Variants in OGDH observed in about 807,000 individuals in gnomAD.
The protein encoded by OGDH is oxoglutarate dehydrogenase, also known as 2-oxoglutarate dehydrogenase complex component E1.
A neutral mutation model predicts 116.6 loss-of-function variants in OGDH; 38 were observed. The ratio of observed to expected loss-of-function variants is 0.33; its 90% CI spans 0.25 to 0.43. The LOEUF is 0.43. Ranked by LOEUF, OGDH falls within the 20% of genes least tolerant of loss-of-function variation. The pLI is 1.00. For synonymous variants in OGDH, 488 were observed against 533.3 expected (o/e 0.92, Z 1.17); for missense variants, 825 against 1,357.2 (o/e 0.61, Z 6.16).
rs1562685524 is a variant in OGDH, at chr7:44,697,285, A to G, written c.2052-85A>G. On this transcript the variant is annotated intron_variant, in intron 15 of 22. Coordinates refer to ENST00000222673, the MANE Select transcript of OGDH (RefSeq NM_002541.4). The surrounding 1 kb of genome is among the most constrained non-coding windows in gnomAD (Gnocchi z 6.0). Reference sequence around the variant, plus strand: ...AGAAGTCCAGGTCACAGAGCATGGCATCTGCTGGTGCTTCGTGCGGGTCCC... The same window carrying G: ...AGAAGTCCAGGTCACAGAGCATGGCGTCTGCTGGTGCTTCGTGCGGGTCCC... 4 of 1,570,522 alleles carry G rather than the reference A, an allele frequency of 2.5e-6. No individual in the cohort carries two copies. Among genetic ancestry groups the G allele is most frequent in the Non-Finnish European group, 3.5e-6 (4 of 1,151,386 alleles).
chr7:44,693,338 A>C (rs1788444544), intron 10 of OGDH, among the ~76,000 whole-genome samples: 1 of 151,960 alleles, frequency 6.6e-6, no homozygotes, highest in Non-Finnish European at 1.5e-5. Context: ...GGCTGGGCAC[A>C]GTGCCTCACT....
intron 4 of OGDH, among the ~76,000 whole-genome samples, chr7:44,653,445 C>T (rs1400228109): frequency 6.6e-6 from 1 of 151,898 alleles, no homozygotes; most frequent in Non-Finnish European, 1.5e-5. Flanking sequence ...TTAAAAATGC[C>T]ACTGTCTGTG....
chr7:44,634,811 C>T (rs946546055), intron 2 of OGDH, among the ~76,000 whole-genome samples: 3 of 152,162 alleles, frequency 2.0e-5, no homozygotes, highest in African/African-American at 7.2e-5. Context: ...GATGGAGGGT[C>T]CAGAGTCCAG....
intron 5 of OGDH, 118 bp from the exon 6 acceptor site, chr7:44,673,669 C>A: frequency 1.0e-6 from 1 of 978,742 alleles, no homozygotes. Context: ...GATTGGAGTA[C>A]ATTTCAGAAC....
At chr7:44,670,822 A>T (rs1787404773) in intron 5 of OGDH, among the ~76,000 whole-genome samples, 1 of 151,914 alleles carries the variant, frequency 6.6e-6, no homozygotes, top group South Asian at 2.1e-4. Context: ...CATCCTAGCT[A>T]ACACAGTGAA....
chr7:44,668,598 T>G (rs555509098), intron 5 of OGDH, among the ~76,000 whole-genome samples: 2 of 152,110 alleles, frequency 1.3e-5, no homozygotes, highest in Non-Finnish European at 2.9e-5. Context: ...TGTGCCAGCA[T>G]CAGAAGCTTG....
intron 4 of OGDH, among the ~76,000 whole-genome samples, chr7:44,660,767 C>A (rs535182637): frequency 5.9e-5 from 9 of 152,190 alleles, no homozygotes; most frequent in Admixed American, 1.3e-4. Flanking sequence ...TCCACCACCA[C>A]CAACAACAAA....
Position 44,697,865 on chromosome 7 carries a change from GCCAGTGGCTCACA to G in OGDH, c.2358+88_2358+100del. 7 of 1,477,188 alleles carry G rather than the reference GCCAGTGGCTCACA, an allele frequency of 4.7e-6. No homozygotes were observed. The highest frequency in any genetic ancestry group is 6.3e-6 in the Non-Finnish European group (7 of 1,105,710). The allele number at this position is 1,477,188 out of a possible 1,614,324, so 91.5% of individuals were successfully genotyped here. On this transcript the variant is annotated intron_variant, in intron 17 of 22. Coordinates refer to ENST00000222673, the MANE Select transcript of OGDH (RefSeq NM_002541.4). The surrounding 1 kb of genome is among the most constrained non-coding windows in gnomAD (Gnocchi z 6.0). ...CCTGACCCCAAAGACTGGCACGAGA[GCCAGTGGCTCACA>G]CCAGCCTCCTAAGGACTCTGCTGGT...
chr7:44,608,862 A>C (rs567709276), intron 1 of OGDH, among the ~76,000 whole-genome samples: 1 of 152,210 alleles, frequency 6.6e-6, no homozygotes, highest in Non-Finnish European at 1.5e-5. Flanking sequence ...AATTTATTCT[A>C]TGCAGTCATA....
At chr7:44,683,580 G>A (rs1422367158) in intron 10 of OGDH, among the ~76,000 whole-genome samples, 1 of 152,130 alleles carries the variant, frequency 6.6e-6, no homozygotes, top group Non-Finnish European at 1.5e-5. Context: ...TGTGCATGGG[G>A]ACGTTCTCTT....
intron 2 of OGDH, among the ~76,000 whole-genome samples, chr7:44,630,532 T>C (rs946023861): frequency 6.6e-6 from 1 of 152,260 alleles, no homozygotes; most frequent in African/African-American, 2.4e-5. Flanking sequence ...TATGTTTGAT[T>C]TATGAATGAC....
At chr7:44,651,733 T>A (rs1450244556) in intron 4 of OGDH, among the ~76,000 whole-genome samples, 2 of 149,556 alleles carry the variant, frequency 1.3e-5, no homozygotes, top group Non-Finnish European at 2.9e-5. Context: ...AGCTAATTTT[T>A]GTATTTTTAG....
At chr7:44,630,398 G>A (rs577043624) in intron 2 of OGDH, among the ~76,000 whole-genome samples, 1 of 152,348 alleles carries the variant, frequency 6.6e-6, no homozygotes, top group East Asian at 1.9e-4. Flanking sequence ...AGGAACAGCT[G>A]TGTTGAAAAA....
chr7:44,660,358 G>A (rs1562648202), intron 4 of OGDH, among the ~76,000 whole-genome samples: 1 of 151,996 alleles, frequency 6.6e-6, no homozygotes, highest in East Asian at 1.9e-4. Flanking sequence ...TGTATTCTTT[G>A]TATACCCCTT....
chr7:44,643,094 TAAAAAAAAAAAAAAA>T (rs769649359), intron 2 of OGDH, among the ~76,000 whole-genome samples: 1 of 124,482 alleles, frequency 8.0e-6, no homozygotes, highest in Non-Finnish European at 1.7e-5. Flanking sequence ...CCTGTTTCTT[TAAAAAAAAAAAAAAA>T]AAAAAAAAGT....
chr7:44,641,776 A>C (rs567150485), intron 2 of OGDH, among the ~76,000 whole-genome samples: 2 of 152,312 alleles, frequency 1.3e-5, no homozygotes, highest in East Asian at 3.9e-4. Flanking sequence ...GAATGTATGG[A>C]GCTCTCAGTC....
At chr7:44,641,038 C>T (rs1785908553) in intron 2 of OGDH, among the ~76,000 whole-genome samples, 1 of 150,054 alleles carries the variant, frequency 6.7e-6, no homozygotes, top group Non-Finnish European at 1.5e-5. Context: ...GGATTATAGG[C>T]ACACACCACC....
chr7:44,661,785 G>T (rs1386277815), intron 4 of OGDH, among the ~76,000 whole-genome samples: 2 of 152,054 alleles, frequency 1.3e-5, no homozygotes, highest in Non-Finnish European at 2.9e-5. Flanking sequence ...TGTATTTTTA[G>T]TAGAGGCAGG....
intron 4 of OGDH, among the ~76,000 whole-genome samples, chr7:44,648,720 G>T (rs1786303105): frequency 6.6e-6 from 1 of 152,132 alleles, no homozygotes; most frequent in Non-Finnish European, 1.5e-5. Flanking sequence ...AGGGGATGAG[G>T]CATTAATCAT....
Sources: gnomAD v4.1 joint callset for allele counts (sites outside exome capture counted in the v4.1 genomes callset) on GRCh38, gnomAD v4.1.1 for gene constraint, Gnocchi (gnomAD v3.1) non-coding constraint, MANE v1.5 for transcripts, NCBI Gene and HGNC (gene_info 2026-07-23, HGNC 2026-07-21) for gene names.